Variants in RBFOX1 observed in about 807,000 individuals in gnomAD.
RBFOX1 encodes the protein RNA binding fox-1 homolog 1, also known as RNA binding protein fox-1 homolog 1.
A neutral mutation model predicts 57.7 loss-of-function variants in RBFOX1; 8 were observed. The ratio of observed to expected loss-of-function variants is 0.14; its 90% CI spans 0.08 to 0.25. The LOEUF (loss-of-function observed/expected upper bound fraction) is 0.25. RBFOX1 is among the 10% of genes least tolerant of loss of function. RBFOX1 has a pLI of 1.00. For synonymous variants in RBFOX1, 326 were observed against 222.4 expected (o/e 1.47, Z -4.15); for missense variants, 611 against 548.5 (o/e 1.11, Z -1.14).
At chr16:7,225,921 A>ATATATATATATATATATATATAT (rs1567789355) in intron 4 of RBFOX1, among the ~76,000 whole-genome samples, 2 of 73,210 alleles carry the variant, frequency 2.7e-5, no homozygotes, top group Non-Finnish European at 4.9e-5. Context: ...TATATATATA[A>ATATATATATATATATATATATAT]ATGTGAATGT....
intron 3 of RBFOX1, among the ~76,000 whole-genome samples, chr16:6,788,395 A>G (rs1381021494): frequency 6.6e-6 from 1 of 151,982 alleles, no homozygotes; most frequent in Non-Finnish European, 1.5e-5. Context: ...AATAATTATT[A>G]TCGTCTCTCT....
At chr16:6,007,476 A>T (rs533534700) in intron 4 of RBFOX1, among the ~76,000 whole-genome samples, 26 of 152,288 alleles carry the variant, frequency 1.7e-4, no homozygotes, top group Middle Eastern at 3.4e-3. Context: ...CTGCAGCCAC[A>T]GTTGACATGT....
At chr16:6,076,914 A>G (rs113551699) in intron 1 of RBFOX1, among the ~76,000 whole-genome samples, 1 of 152,146 alleles carries the variant, frequency 6.6e-6, no homozygotes, top group Admixed American at 6.6e-5. Flanking sequence ...ATGGAAGCCA[A>G]TGGTCAAGTT....
intron 4 of RBFOX1, among the ~76,000 whole-genome samples, chr16:5,989,505 T>C (rs1290894161): frequency 6.6e-6 from 1 of 152,076 alleles, no homozygotes; most frequent in East Asian, 1.9e-4. Context: ...CAAAGTTAGT[T>C]GCTACAAGAG....
At chr16:6,699,966 C>T (rs905088611) in intron 3 of RBFOX1, among the ~76,000 whole-genome samples, 3 of 152,108 alleles carry the variant, frequency 2.0e-5, no homozygotes, top group South Asian at 2.1e-4. Flanking sequence ...ACATAATTTG[C>T]CCTGGTATGT....
Position 7,170,026 on chromosome 16 carries a change from A to G in RBFOX1, c.27+117928A>G, listed in dbSNP as rs916194958. On this transcript the variant is annotated intron_variant, in intron 4 of 15. Transcript: ENST00000550418. Reference sequence around the variant, plus strand: ...GAGGCAGAGGTTGCAGTGAACCAAGATTGTGCCAATGCACTCTAGCCTAGG... The same window carrying G: ...GAGGCAGAGGTTGCAGTGAACCAAGGTTGTGCCAATGCACTCTAGCCTAGG... Among the ~76,000 whole-genome samples the G allele has an allele frequency of 2.6e-5, 4 of 152,298 alleles. No individual in the cohort carries two copies. In the East Asian group the frequency reaches 7.7e-4, roughly 29 times the overall value.
intron 2 of RBFOX1, among the ~76,000 whole-genome samples, chr16:5,566,468 C>A (rs115182810): frequency 0.013 from 1,938 of 152,004 alleles, 44 homozygotes; most frequent in African/African-American, 0.044. Flanking sequence ...GTGTAGAACC[C>A]GCTCCCTCGG....
At chr16:5,810,383 C>T (rs955108156) in intron 3 of RBFOX1, among the ~76,000 whole-genome samples, 2 of 152,146 alleles carry the variant, frequency 1.3e-5, no homozygotes, top group Admixed American at 1.3e-4. Context: ...AGAGAGGCCT[C>T]AGAATAAACC....
intron 11 of RBFOX1, among the ~76,000 whole-genome samples, chr16:7,640,845 T>C (rs1288987458): frequency 6.6e-6 from 1 of 152,100 alleles, no homozygotes; most frequent in East Asian, 1.9e-4. Context: ...TTTGAGAGTT[T>C]ATTTTTTAAG....
intron 3 of RBFOX1, among the ~76,000 whole-genome samples, chr16:6,988,696 C>G (rs1236906725): frequency 6.7e-6 from 1 of 149,878 alleles, no homozygotes; most frequent in African/African-American, 2.5e-5. Flanking sequence ...TCCTGAGCAG[C>G]TGGGATTACA....
chr16:7,023,179 C>G (rs578110816), intron 3 of RBFOX1, among the ~76,000 whole-genome samples: 1 of 151,812 alleles, frequency 6.6e-6, no homozygotes, highest in Non-Finnish European at 1.5e-5. Flanking sequence ...AGGTAATGAC[C>G]ATTATGAAAT....
At chr16:5,886,572 C>A in intron 4 of RBFOX1, among the ~76,000 whole-genome samples, 1 of 152,174 alleles carries the variant, frequency 6.6e-6, no homozygotes, top group East Asian at 1.9e-4. Context: ...TGGCCCTGAG[C>A]TGGAGGATGA....
At chr16:7,137,392 A>G (rs529345895) in intron 4 of RBFOX1, among the ~76,000 whole-genome samples, 2 of 152,246 alleles carry the variant, frequency 1.3e-5, no homozygotes, top group South Asian at 2.1e-4. Flanking sequence ...AGTTTCCCCC[A>G]TACTGTTCTC....
At chr16:7,594,351 C>G (rs1052526706) in intron 7 of RBFOX1, among the ~76,000 whole-genome samples, 2 of 152,146 alleles carry the variant, frequency 1.3e-5, no homozygotes, top group Non-Finnish European at 2.9e-5. Context: ...TTATTTGATG[C>G]TAAGAGGAGC....
At chr16:6,965,596 C>A (rs2083963710) in intron 3 of RBFOX1, among the ~76,000 whole-genome samples, 1 of 152,168 alleles carries the variant, frequency 6.6e-6, no homozygotes, top group South Asian at 2.1e-4. Context: ...CTTGGCTTCC[C>A]AAAGTGCTGA....
rs548610134 is a variant in RBFOX1, at chr16:6,806,673, G to T, written c.-16+152023G>T. On this transcript the variant is annotated intron_variant, in intron 3 of 15. Coordinates refer to ENST00000550418, the MANE Select transcript of RBFOX1 (RefSeq NM_018723.4). ...AGATTTGTATTATATGCGCTAAAAT[G>T]ATAATATTGATATTAATGAGGTGAT... Among the ~76,000 whole-genome samples, 189 of 151,346 alleles carry T rather than the reference G, an allele frequency of 1.2e-3. 1 individual carries two copies. Among genetic ancestry groups the T allele is most frequent in the African/African-American group, 4.3e-3 (178 of 41,304 alleles).
At chr16:7,480,746 A>G (rs1286902413) in intron 4 of RBFOX1, among the ~76,000 whole-genome samples, 3 of 152,256 alleles carry the variant, frequency 2.0e-5, no homozygotes, top group African/African-American at 7.2e-5. Context: ...GCTTGACTGC[A>G]AGGGGATGTG....
intron 2 of RBFOX1, among the ~76,000 whole-genome samples, chr16:6,634,878 A>G (rs1013114697): frequency 2.9e-5 from 4 of 136,304 alleles, no homozygotes; most frequent in East Asian, 2.1e-4. Context: ...CAAAATATAT[A>G]TTATAAATTA....
intron 6 of RBFOX1, among the ~76,000 whole-genome samples, chr16:7,582,986 A>G (rs2093892044): frequency 6.6e-6 from 1 of 151,896 alleles, no homozygotes; most frequent in Non-Finnish European, 1.5e-5. Context: ...TTACATGCCT[A>G]ATGGTTACTG....
Sources: gnomAD v4.1 joint callset for allele counts (sites outside exome capture counted in the v4.1 genomes callset) on GRCh38, gnomAD v4.1.1 for gene constraint, MANE v1.5 for transcripts, NCBI Gene and HGNC (gene_info 2026-07-23, HGNC 2026-07-21) for gene names.